Variants in C16orf78 observed in about 807,000 individuals in gnomAD.
The protein encoded by C16orf78 is chromosome 16 open reading frame 78.
A neutral mutation model predicts 27.3 loss-of-function variants in C16orf78; 19 were observed. That is an observed-to-expected ratio of 0.70 (90% CI 0.49 to 1.02). The LOEUF is 1.02. Among genes scored for constraint, C16orf78 ranks in the 50% least tolerant of loss-of-function variants. The probability of loss-of-function intolerance (pLI) is 0.00; values close to 1 mark genes in which losing one functional copy is unlikely to be tolerated. For synonymous variants in C16orf78, 130 were observed against 116.1 expected, an observed-to-expected ratio of 1.12 and a Z score of -0.77; for missense variants, 339 against 337.0, an observed-to-expected ratio of 1.01 and a Z score of -0.05.
intron 3 of C16orf78, among the ~76,000 whole-genome samples, chr16:49,382,914 C>G (rs1197199514): frequency 2.0e-5 from 3 of 152,200 alleles, no homozygotes; most frequent in African/African-American, 7.2e-5. Context: ...TCTATTAAGA[C>G]ATTTTCTTAA....
At chr16:49,379,192 G>A (rs978476406) in intron 3 of C16orf78, among the ~76,000 whole-genome samples, 19 of 152,152 alleles carry the variant, frequency 1.2e-4, no homozygotes, top group Non-Finnish European at 2.4e-4. Context: ...TAGTATGGTT[G>A]TGAGGTTTAA....
At chr16:49,388,694 T>G (rs1035266011) in intron 3 of C16orf78, among the ~76,000 whole-genome samples, 8 of 152,162 alleles carry the variant, frequency 5.3e-5, no homozygotes, top group Non-Finnish European at 1.2e-4. Flanking sequence ...GTATTTTTTT[T>G]GTAGAGACGA....
chr16:49,399,108 C>T (rs905635182), intron 4 of C16orf78, 23 bp from the exon 5 acceptor site: 10 of 1,611,158 alleles, frequency 6.2e-6, no homozygotes, highest in Non-Finnish European at 8.5e-6. Flanking sequence ...TTCAACTGAC[C>T]TCTTTTGCCT....
chr16:49,375,012 G>A (rs142387147), intron 1 of C16orf78, among the ~76,000 whole-genome samples: 2 of 152,296 alleles, frequency 1.3e-5, no homozygotes, highest in East Asian at 3.9e-4. Context: ...CTGTGGTCAA[G>A]GCCCTGTGCT....
At chr16:49,382,334 C>T (rs1217141334) in intron 3 of C16orf78, among the ~76,000 whole-genome samples, 1 of 151,952 alleles carries the variant, frequency 6.6e-6, no homozygotes, top group South Asian at 2.1e-4. Context: ...TTAGTAGGTG[C>T]AGCGCACCAG....
At chr16:49,376,727 T>C (rs553599797) in intron 1 of C16orf78, among the ~76,000 whole-genome samples, 10 of 152,028 alleles carry the variant, frequency 6.6e-5, no homozygotes, top group African/African-American at 2.4e-4. Context: ...TGCACATGCA[T>C]GTCGTAATTC....
chr16:49,386,529 T>A (rs1965353462), intron 3 of C16orf78, among the ~76,000 whole-genome samples: 1 of 152,202 alleles, frequency 6.6e-6, no homozygotes, highest in South Asian at 2.1e-4. Flanking sequence ...TTGTAGAGAT[T>A]ATTTCATCAC....
chr16:49,379,825 C>T (rs1965266045), intron 3 of C16orf78, among the ~76,000 whole-genome samples: 1 of 152,170 alleles, frequency 6.6e-6, no homozygotes, highest in Non-Finnish European at 1.5e-5. Flanking sequence ...TGAGTGTCAA[C>T]TTGATTGGAT....
Position 49,374,023 on chromosome 16 carries a change from G to A in C16orf78, c.84G>A (p.Met28Ile). The A allele has an allele frequency of 1.2e-6, 2 of 1,614,192 alleles. No homozygotes were observed. Among genetic ancestry groups the A allele is most frequent in the Non-Finnish European group, 1.7e-6 (2 of 1,180,034 alleles). ...GGAAGACTGCTGAAGATAGGCGCATGTCTGACCTCACCTGTGTGCTGGAGT... is the reference window on the plus strand; with the variant it reads ...GGAAGACTGCTGAAGATAGGCGCATATCTGACCTCACCTGTGTGCTGGAGT... Reference protein sequence around the residue: ...YMWKTAEDRRMSDLTCVLEWL... With the variant: ...YMWKTAEDRRISDLTCVLEWL... The change falls in exon 1 of 5, where the codon ATG (methionine) becomes ATA (isoleucine). Residue 28 changes from methionine to isoleucine, a missense_variant. Physicochemically the swap from Met to Ile is conservative, Grantham distance 10 (BLOSUM62 1). Coordinates refer to ENST00000299191, the MANE Select transcript of C16orf78 (RefSeq NM_144602.4).
chr16:49,399,305 G>A lies in C16orf78; in HGVS notation c.*27G>A. 1 of 1,611,986 alleles carries A rather than the reference G, an allele frequency of 6.2e-7. No individual in the cohort carries two copies. The highest frequency in any genetic ancestry group is 8.5e-7 in the Non-Finnish European group (1 of 1,179,076). ...TAGCTCCTCTCGCCACCACCTTCAG[G>A]CTCCTTCTGTCATGGGACCCTTCAC... is the stretch of plus-strand genomic sequence containing the variant. On this transcript the variant is annotated 3_prime_UTR_variant, in exon 5 of 5. Coordinates refer to ENST00000299191, the MANE Select transcript of C16orf78 (RefSeq NM_144602.4).
At chr16:49,388,890 C>G (rs1260679983) in intron 3 of C16orf78, among the ~76,000 whole-genome samples, 1 of 152,098 alleles carries the variant, frequency 6.6e-6, no homozygotes, top group East Asian at 1.9e-4. Flanking sequence ...TTAACAAATT[C>G]AAGAGGACTA....
At chr16:49,397,793 C>T (rs1192885769) in intron 4 of C16orf78, among the ~76,000 whole-genome samples, 2 of 152,114 alleles carry the variant, frequency 1.3e-5, no homozygotes, top group African/African-American at 2.4e-5. Context: ...ATTGAGACAG[C>T]CTCTCTCTGT....
intron 3 of C16orf78, among the ~76,000 whole-genome samples, chr16:49,379,112 G>C (rs1596920340): frequency 1.3e-5 from 2 of 152,100 alleles, no homozygotes; most frequent in East Asian, 3.9e-4. Flanking sequence ...GTATAATCCT[G>C]GACAACTTAT....
rs767656781 is a variant in C16orf78 at position 49,396,692 on chromosome 16, C to A, written c.650+14C>A. The A allele has an allele frequency of 1.9e-6, 3 of 1,602,012 alleles. No individual in the cohort carries two copies. The highest frequency in any genetic ancestry group is 2.2e-5 in the East Asian group (1 of 44,858). On this transcript the variant is annotated intron_variant, in intron 4 of 4. Transcript: ENST00000299191. Reference sequence around the variant, plus strand: ...GCTGAGCTGCCGGTGAGAGCTGCCACCCCCTGGGCAGATGGGGTGGGGTCC... The same window carrying A: ...GCTGAGCTGCCGGTGAGAGCTGCCAACCCCTGGGCAGATGGGGTGGGGTCC...
rs1370813222 is a variant in C16orf78 at position 49,378,458 on chromosome 16, G to T, written c.271-12G>T. ...GTAACTGGGGTGTGACTTCTCACCT[G>T]CTCCCTCCAAGGCCTTAGGAAAGAG... is the stretch of plus-strand genomic sequence containing the variant. On this transcript the variant is annotated splice_polypyrimidine_tract_variant and intron_variant, in intron 2 of 4. Transcript: ENST00000299191. 1.9e-6 allele frequency: 3 copies of T among 1,564,156 alleles called. No homozygotes were observed. Among genetic ancestry groups the T allele is most frequent in the South Asian group, 1.2e-5 (1 of 85,184 alleles).
chr16:49,374,756 C>T (rs1233947867), intron 1 of C16orf78, among the ~76,000 whole-genome samples: 1 of 152,222 alleles, frequency 6.6e-6, no homozygotes, highest in Non-Finnish European at 1.5e-5. Context: ...TTCTACCCTA[C>T]ATCGAGCTAG....
At chr16:49,393,252 CA>C (rs1168097051) in intron 3 of C16orf78, among the ~76,000 whole-genome samples, 1 of 152,106 alleles carries the variant, frequency 6.6e-6, no homozygotes, top group Non-Finnish European at 1.5e-5. Flanking sequence ...CCTTCAGAAC[CA>C]AATAGAAGAT....
chr16:49,387,393 C>T (rs1199461740), intron 3 of C16orf78, among the ~76,000 whole-genome samples: 1 of 151,714 alleles, frequency 6.6e-6, no homozygotes, highest in Non-Finnish European at 1.5e-5. Flanking sequence ...TTCTTCTATT[C>T]TGTAGGTTGT....
At chr16:49,399,005 C>T (rs1965508355) in intron 4 of C16orf78, 126 bp from the exon 5 acceptor site, 1 of 1,022,256 alleles carries the variant, frequency 9.8e-7, no homozygotes. Context: ...CCATGGATGA[C>T]TGGGAGAGAC....
Sources: gnomAD v4.1 joint callset for allele counts (sites outside exome capture counted in the v4.1 genomes callset) on GRCh38, gnomAD v4.1.1 for gene constraint, MANE v1.5 for transcripts, NCBI Gene and HGNC (gene_info 2026-07-23, HGNC 2026-07-21) for gene names.